The following STARD13 variants were observed in gnomAD, a reference collection of about 807,000 sequenced individuals.
STARD13 encodes the protein StAR related lipid transfer domain containing 13, also known as stAR-related lipid transfer protein 13.
Under a neutral mutation model 106.4 loss-of-function variants are expected in STARD13, and 62 were observed. That is an observed-to-expected ratio of 0.58 (90% CI 0.48 to 0.72). The LOEUF (loss-of-function observed/expected upper bound fraction) is 0.72, where lower values mean the gene tolerates loss of function less well. STARD13 is among the 30% of genes least tolerant of loss of function. STARD13 has a pLI of 0.00. For missense variants in STARD13, 1,387 were observed against 1,424.0 expected, an observed-to-expected ratio of 0.97 and a Z score of 0.42; for synonymous variants, 565 against 553.0, an observed-to-expected ratio of 1.02 and a Z score of -0.31.
the STARD13 span, among the ~76,000 whole-genome samples, chr13:33,408,579 C>T: frequency 6.6e-6 from 1 of 152,192 alleles, no homozygotes; most frequent in East Asian, 1.9e-4. Flanking sequence ...GTTACTTCTA[C>T]TTAATGCCTT....
At chr13:33,671,114 C>T in the STARD13 span, among the ~76,000 whole-genome samples, 1 of 152,184 alleles carries the variant, frequency 6.6e-6, no homozygotes, top group Non-Finnish European at 1.5e-5. Context: ...TATTGCTTTT[C>T]CTCAATAGTT....
chr13:33,442,942 G>T, the STARD13 span, among the ~76,000 whole-genome samples: 1 of 152,052 alleles, frequency 6.6e-6, no homozygotes, highest in Non-Finnish European at 1.5e-5. Context: ...GATGCCAGGG[G>T]CCAGGGCAAG....
chr13:33,195,191 T>G (rs1245379835), intron 1 of STARD13, among the ~76,000 whole-genome samples: 1 of 152,218 alleles, frequency 6.6e-6, no homozygotes, highest in Non-Finnish European at 1.5e-5. Context: ...TGCCACTACT[T>G]TGGATATGGC....
intron 1 of STARD13, among the ~76,000 whole-genome samples, chr13:33,185,566 C>T (rs1261034576): frequency 6.6e-6 from 1 of 152,154 alleles, no homozygotes; most frequent in Non-Finnish European, 1.5e-5. Context: ...TTCTGTGTCT[C>T]AACTGCCCAC....
chr13:33,296,810 G>A (rs1892514757), intron 1 of STARD13, among the ~76,000 whole-genome samples: 1 of 152,106 alleles, frequency 6.6e-6, no homozygotes, highest in Non-Finnish European at 1.5e-5. Context: ...GTAGAGACAG[G>A]GTTTCACCAT....
intron 1 of STARD13, among the ~76,000 whole-genome samples, chr13:33,241,489 C>T (rs1594152781): frequency 6.6e-6 from 1 of 152,130 alleles, no homozygotes. Flanking sequence ...TAGGCAATTT[C>T]AGTCATGTAT....
chr13:33,405,364 G>A, the STARD13 span, among the ~76,000 whole-genome samples: 1 of 152,204 alleles, frequency 6.6e-6, no homozygotes, highest in Non-Finnish European at 1.5e-5. Flanking sequence ...GTAGCCCCTC[G>A]TAGCCCCTCA....
chr13:33,421,501 G>A, the STARD13 span, among the ~76,000 whole-genome samples: 30 of 152,196 alleles, frequency 2.0e-4, no homozygotes, highest in African/African-American at 1.7e-4. Context: ...ATTCACAGCC[G>A]AACTCTACCA....
chr13:33,541,171 C>T, the STARD13 span, among the ~76,000 whole-genome samples: 1 of 148,954 alleles, frequency 6.7e-6, no homozygotes, highest in Non-Finnish European at 1.5e-5. Context: ...ATGGGAAAGT[C>T]GAAAAAAAAA....
chr13:33,325,978 C>A (rs767752541), intron 1 of STARD13, among the ~76,000 whole-genome samples: 1 of 85,752 alleles, frequency 1.2e-5, no homozygotes, highest in East Asian at 3.0e-4. Flanking sequence ...GAGCGAGACT[C>A]CGTTTAAAAA....
At chr13:33,241,554 CCCCTCT>C (rs1394116147) in intron 1 of STARD13, among the ~76,000 whole-genome samples, 1 of 150,622 alleles carries the variant, frequency 6.6e-6, no homozygotes, top group Non-Finnish European at 1.5e-5. Flanking sequence ...CCTCCCCCTC[CCCCTCT>C]CCCCTTTGCA....
At chr13:33,341,362 G>A (rs1017702260) in intron 1 of STARD13, among the ~76,000 whole-genome samples, 5 of 152,166 alleles carry the variant, frequency 3.3e-5, no homozygotes, top group Non-Finnish European at 7.3e-5. Flanking sequence ...TGAACGGCAT[G>A]GCGCGGTGCC....
At chr13:33,259,954 C>T (rs977572306) in intron 1 of STARD13, among the ~76,000 whole-genome samples, 1 of 147,394 alleles carries the variant, frequency 6.8e-6, no homozygotes, top group Non-Finnish European at 1.5e-5. Context: ...CGAGATCGTG[C>T]CACTGCACTC....
At chr13:33,666,544 C>A in the STARD13 span, among the ~76,000 whole-genome samples, 1 of 152,062 alleles carries the variant, frequency 6.6e-6, no homozygotes, top group African/African-American at 2.4e-5. Context: ...ATCTGCCCGC[C>A]TCAGCCTCCC....
chr13:33,323,499 G>A (rs929760712), intron 1 of STARD13, among the ~76,000 whole-genome samples: 3 of 152,086 alleles, frequency 2.0e-5, no homozygotes, highest in African/African-American at 7.2e-5. Context: ...CCCCTAGACG[G>A]CAGGCAAGTT....
intron 1 of STARD13, among the ~76,000 whole-genome samples, chr13:33,208,693 C>A (rs977635939): frequency 1.3e-5 from 2 of 152,100 alleles, no homozygotes; most frequent in African/African-American, 4.8e-5. Flanking sequence ...ATTATTTCAG[C>A]AAGAGGTCAT....
At chr13:33,137,525 G>C (rs1879214844) in intron 4 of STARD13, among the ~76,000 whole-genome samples, 1 of 152,198 alleles carries the variant, frequency 6.6e-6, no homozygotes, top group Admixed American at 6.5e-5. Context: ...AAAAAAGCTA[G>C]GTTCAGGTGG....
intron 2 of STARD13, among the ~76,000 whole-genome samples, chr13:33,166,583 C>T (rs896959801): frequency 3.9e-5 from 6 of 152,266 alleles, no homozygotes; most frequent in Non-Finnish European, 8.8e-5. Context: ...GCCACCTGCT[C>T]ATTGTTGGGG....
intron 1 of STARD13, chr13:33,278,311 G>T (rs182698616): frequency 6.6e-6 from 1 of 152,100 alleles, no homozygotes; most frequent in African/African-American, 2.4e-5. Flanking sequence ...CTGTCTAATG[G>T]GCCTAGTGTT....
Sources: allele counts gnomAD v4.1 joint callset (sites outside exome capture counted in the v4.1 genomes callset), GRCh38; gene constraint gnomAD v4.1.1; transcripts MANE v1.5; gene names NCBI Gene and HGNC (gene_info 2026-07-23, HGNC 2026-07-21).